ADAM2: variants seen among roughly 807,000 people sequenced by gnomAD.
ADAM2 encodes ADAM metallopeptidase domain 2, also known as disintegrin and metalloproteinase domain-containing protein 2.
In ADAM2, 101 loss-of-function variants were observed where a neutral mutation model predicts 99.3. That is an observed-to-expected ratio of 1.02 (90% CI 0.87 to 1.20). ADAM2 has a LOEUF of 1.20. Among genes scored for constraint, ADAM2 ranks in the 50% most tolerant of loss-of-function variants. ADAM2 has a pLI of 0.00. For synonymous variants in ADAM2, 323 were observed against 287.6 expected (o/e 1.12, Z -1.25); for missense variants, 948 against 878.7 (o/e 1.08, Z -1.00).
intron 11 of ADAM2, 128 bp from the exon 12 acceptor site, chr8:39,769,703 A>G (rs910474603): frequency 9.8e-6 from 6 of 610,578 alleles, no homozygotes; most frequent in Non-Finnish European, 1.7e-5. Context: ...CAATGCTTTC[A>G]ATCTCTGTGC....
At chr8:39,798,825 C>T (rs1294707083) in intron 7 of ADAM2, among the ~76,000 whole-genome samples, 1 of 152,070 alleles carries the variant, frequency 6.6e-6, no homozygotes, top group East Asian at 1.9e-4. Context: ...GTTTTTTTTG[C>T]ATAGAGGTGT....
chr8:39,791,069 A>G (rs1803690691), intron 7 of ADAM2, among the ~76,000 whole-genome samples: 1 of 152,112 alleles, frequency 6.6e-6, no homozygotes, highest in Admixed American at 6.6e-5. Context: ...TAAAAAAAAA[A>G]AAGGATGTAA....
At chr8:39,756,712 G>A (rs1435575639) in intron 15 of ADAM2, among the ~76,000 whole-genome samples, 5 of 152,186 alleles carry the variant, frequency 3.3e-5, no homozygotes, top group African/African-American at 1.2e-4. Flanking sequence ...CAACGAAAAT[G>A]GGCAACCCAG....
At chr8:39,750,551 AT>A (rs1801886115) in intron 16 of ADAM2, among the ~76,000 whole-genome samples, 2 of 152,170 alleles carry the variant, frequency 1.3e-5, no homozygotes, top group Admixed American at 1.3e-4. Context: ...GCAATAGCCT[AT>A]AGATACAAAG....
chr8:39,760,882 CAAAAAAAAAAAA>C (rs58386097), intron 15 of ADAM2, among the ~76,000 whole-genome samples: 1,607 of 60,332 alleles, frequency 0.027, 33 homozygotes, highest in African/African-American at 0.1. Context: ...GACTCCATCT[CAAAAAAAAAAAA>C]AAAAAAAAAA....
At chr8:39,780,982 C>T (rs1325827181) in intron 10 of ADAM2, among the ~76,000 whole-genome samples, 1 of 149,160 alleles carries the variant, frequency 6.7e-6, no homozygotes, top group African/African-American at 2.5e-5. Context: ...TATTATAAAG[C>T]TTGTTTTGTG....
chr8:39,790,326 A>G (rs761652470), intron 7 of ADAM2, among the ~76,000 whole-genome samples: 12 of 151,984 alleles, frequency 7.9e-5, no homozygotes, highest in Non-Finnish European at 1.0e-4. Context: ...TTGCGACACA[A>G]TAGGCTATTT....
At chr8:39,833,686 A>G (rs1461130029) in intron 3 of ADAM2, among the ~76,000 whole-genome samples, 1 of 152,116 alleles carries the variant, frequency 6.6e-6, no homozygotes, top group Non-Finnish European at 1.5e-5. Context: ...AAAATTATCA[A>G]AATTCATCCT....
intron 10 of ADAM2, among the ~76,000 whole-genome samples, chr8:39,780,158 C>T (rs572024876): frequency 1.5e-4 from 23 of 151,986 alleles, no homozygotes; most frequent in Non-Finnish European, 1.9e-4. Context: ...GGCCAGAGAA[C>T]GCGTGCAGGG....
intron 16 of ADAM2, 75 bp from the exon 17 acceptor site, chr8:39,749,819 C>A (rs2129582823): frequency 2.7e-6 from 3 of 1,095,662 alleles, no homozygotes; most frequent in East Asian, 2.4e-5. Flanking sequence ...CATTCCATAC[C>A]ATACCATATT....
intron 19 of ADAM2, among the ~76,000 whole-genome samples, chr8:39,745,958 A>G (rs955461510): frequency 6.6e-6 from 1 of 151,840 alleles, no homozygotes; most frequent in Non-Finnish European, 1.5e-5. Flanking sequence ...TTAAAATTGC[A>G]ATTATTATAT....
intron 1 of ADAM2, 113 bp downstream of exon 1, chr8:39,838,018 A>C (rs1395543166): frequency 2.5e-6 from 3 of 1,182,122 alleles, no homozygotes; most frequent in Admixed American, 1.9e-5. Flanking sequence ...GGAATTGCTG[A>C]GTTGGAAACC....
intron 7 of ADAM2, among the ~76,000 whole-genome samples, chr8:39,790,690 A>G (rs1803673747): frequency 6.6e-6 from 1 of 152,044 alleles, no homozygotes; most frequent in Admixed American, 6.6e-5. Context: ...ATCATAAAAT[A>G]TAAGTTACAT....
At chr8:39,810,865 A>G (rs1032884324) in intron 6 of ADAM2, among the ~76,000 whole-genome samples, 1 of 152,232 alleles carries the variant, frequency 6.6e-6, no homozygotes, top group Admixed American at 6.5e-5. Context: ...TAACATCACC[A>G]TTAAAAGAAC....
chr8:39,755,091 T>C (rs962132910), intron 16 of ADAM2, among the ~76,000 whole-genome samples: 1 of 152,216 alleles, frequency 6.6e-6, no homozygotes, highest in Admixed American at 6.5e-5. Context: ...ATTATTTTAA[T>C]GGCTATTTTA....
At chr8:39,807,445 G>A (rs975955863) in intron 7 of ADAM2, among the ~76,000 whole-genome samples, 20 of 152,180 alleles carry the variant, frequency 1.3e-4, no homozygotes, top group African/African-American at 4.6e-4. Flanking sequence ...ATATGGGGAA[G>A]TGAGGGCTGG....
intron 9 of ADAM2, 57 bp downstream of exon 9, chr8:39,788,028 G>T: frequency 1.7e-6 from 2 of 1,183,034 alleles, no homozygotes; most frequent in Non-Finnish European, 1.1e-6. Flanking sequence ...AAGATATTCG[G>T]TCAAATTGCA....
intron 7 of ADAM2, 95 bp from the exon 8 acceptor site, chr8:39,788,835 T>A: frequency 1.7e-6 from 1 of 581,040 alleles, no homozygotes; most frequent in Non-Finnish European, 2.7e-6. Flanking sequence ...GGTGAAGTAA[T>A]AAATTATTTA....
intron 4 of ADAM2, 76 bp downstream of exon 4, chr8:39,824,743 A>T (rs1029106789): frequency 1.2e-6 from 1 of 800,290 alleles, no homozygotes; most frequent in East Asian, 2.5e-5. Context: ...TTTAGACTCT[A>T]ATAACATGTG....
Sources: gnomAD v4.1 joint callset for allele counts (sites outside exome capture counted in the v4.1 genomes callset) on GRCh38, gnomAD v4.1.1 for gene constraint, MANE v1.5 for transcripts, NCBI Gene and HGNC (gene_info 2026-07-23, HGNC 2026-07-21) for gene names.